SLC15A2: variants seen among roughly 807,000 people sequenced by gnomAD.
SLC15A2 encodes the protein solute carrier family 15 member 2, also known as kidney H(+)/peptide cotransporter.
A neutral mutation model predicts 95.5 loss-of-function variants in SLC15A2; 77 were observed. That is an observed-to-expected ratio of 0.81 (90% CI 0.67 to 0.97). SLC15A2 has a LOEUF of 0.97. Among genes scored for constraint, SLC15A2 ranks in the 50% least tolerant of loss-of-function variants. The pLI is 0.00. For missense variants in SLC15A2, 893 were observed against 874.4 expected (o/e 1.02, Z -0.27); for synonymous variants, 306 against 306.9 (o/e 1.00, Z 0.03).
At chr3:121,928,601 G>T in intron 15 of SLC15A2, 46 bp downstream of exon 15, 3 of 1,573,464 alleles carry the variant, frequency 1.9e-6, no homozygotes, top group South Asian at 1.2e-5. Context: ...ATGCTATATT[G>T]ATCTTGATTT....
chr3:121,943,351 C>G lies in SLC15A2; in HGVS notation c.*2344C>G, dbSNP rs1388354031. 1.3e-5 allele frequency: 2 copies of G among 152,028 alleles called. No individual in the cohort carries two copies. Among genetic ancestry groups the G allele is most frequent in the African/African-American group, 2.4e-5 (1 of 41,410 alleles). The allele number at this position is 152,028 out of a possible 1,614,324, so 9.4% of individuals were successfully genotyped here. ...TGGGGAGAACTTTCATGGCTCTTCC[C>G]TAATCATCAAGTATTCAAGGTAAAG... On this transcript the variant is annotated 3_prime_UTR_variant, in exon 22 of 22. Transcript: ENST00000489711.
chr3:121,934,107 G>A (rs1710288663), intron 19 of SLC15A2, among the ~76,000 whole-genome samples: 1 of 152,070 alleles, frequency 6.6e-6, no homozygotes, highest in African/African-American at 2.4e-5. Flanking sequence ...GCTCTGTTCT[G>A]TTCCATTGAT....
chr3:121,915,396 A>G (rs761559880), intron 6 of SLC15A2, 79 bp downstream of exon 6: 1 of 963,022 alleles, frequency 1.0e-6, no homozygotes, highest in Non-Finnish European at 1.7e-6. Context: ...TCTCCTGTCT[A>G]TCATCTCCTT....
intron 17 of SLC15A2, among the ~76,000 whole-genome samples, chr3:121,930,468 T>G (rs986313144): frequency 3.9e-5 from 6 of 152,228 alleles, no homozygotes; most frequent in African/African-American, 1.4e-4. Flanking sequence ...TTTTTCTTAG[T>G]AAAGTCTCAG....
At chr3:121,920,386 C>A (rs1254085119) in intron 7 of SLC15A2, among the ~76,000 whole-genome samples, 3 of 152,188 alleles carry the variant, frequency 2.0e-5, no homozygotes, top group Non-Finnish European at 4.4e-5. Context: ...ACCTCCGCCT[C>A]TGAGGTTCAA....
intron 7 of SLC15A2, among the ~76,000 whole-genome samples, chr3:121,918,578 G>C (rs1439418301): frequency 4.6e-5 from 7 of 151,952 alleles, no homozygotes; most frequent in African/African-American, 1.7e-4. Flanking sequence ...AAAAAAGTGG[G>C]GTGGGGGGAT....
chr3:121,921,080 C>T (rs1441243317), intron 7 of SLC15A2, among the ~76,000 whole-genome samples: 2 of 152,142 alleles, frequency 1.3e-5, no homozygotes, highest in Non-Finnish European at 2.9e-5. Context: ...AAATGAAATT[C>T]CCTTACAATT....
rs559431203 is a variant in SLC15A2, at chr3:121,905,182, A to C, written c.336-6392A>C. ...CTGATGGTAGTTTGTATTACTGTGG[A>C]ATCGGTGGTGATATCCCCTTTATCA... is the stretch of plus-strand genomic sequence containing the variant. On this transcript the variant is annotated intron_variant, in intron 3 of 21. Transcript: ENST00000489711. Among the ~76,000 whole-genome samples the C allele has an allele frequency of 1.1e-4, 16 of 152,112 alleles. No homozygotes were observed. In the South Asian group the frequency reaches 3.3e-3, roughly 32 times the overall value.
chr3:121,941,425 G>GT lies in SLC15A2; in HGVS notation c.*429dup, dbSNP rs370093110. The GT allele has an allele frequency of 5.2e-3, 773 of 148,524 alleles. No homozygotes were observed. The highest frequency in any genetic ancestry group is 7.0e-3 in the Non-Finnish European group (474 of 67,376). 9.2% of individuals were successfully genotyped at this position (148,524 alleles called of 1,614,324 possible). Reference sequence around the variant, plus strand: ...GAATAACAAAGAAATGGTATTTCAAGTTTTTTTTTTTATAAGCAATGTAAT... The same window carrying GT: ...GAATAACAAAGAAATGGTATTTCAAGTTTTTTTTTTTTATAAGCAATGTAAT... On this transcript the variant is annotated 3_prime_UTR_variant, in exon 22 of 22. Transcript: ENST00000489711.
At chr3:121,897,174 T>G (rs886878986) in intron 2 of SLC15A2, among the ~76,000 whole-genome samples, 2 of 151,788 alleles carry the variant, frequency 1.3e-5, no homozygotes, top group Non-Finnish European at 2.9e-5. Flanking sequence ...AGTATTATAT[T>G]TGTACATTCA....
intron 3 of SLC15A2, among the ~76,000 whole-genome samples, chr3:121,904,144 C>G (rs1483643003): frequency 6.6e-6 from 1 of 152,114 alleles, no homozygotes; most frequent in African/African-American, 2.4e-5. Context: ...TGATTTGGCT[C>G]TCTGTTTGTC....
At chr3:121,920,831 G>C (rs1475065050) in intron 7 of SLC15A2, among the ~76,000 whole-genome samples, 2 of 152,204 alleles carry the variant, frequency 1.3e-5, no homozygotes, top group Admixed American at 1.3e-4. Flanking sequence ...ATTCTGATGT[G>C]TAAGGATACT....
intron 8 of SLC15A2, 145 bp downstream of exon 8, chr3:121,922,447 A>T: frequency 1.5e-6 from 1 of 646,912 alleles, no homozygotes; most frequent in Non-Finnish European, 2.6e-6. Flanking sequence ...AAGATTAACC[A>T]GTCTTCTTCT....
chr3:121,911,788 A>G (rs992074671), intron 4 of SLC15A2, 122 bp downstream of exon 4: 6 of 698,464 alleles, frequency 8.6e-6, no homozygotes, highest in Non-Finnish European at 1.5e-5. Flanking sequence ...AAAACTGGTT[A>G]AGAAAAACAG....
Position 121,940,391 on chromosome 3 carries a change from C to T in SLC15A2, c.1916C>T (p.Ser639Phe). Residue 639 changes from serine to phenylalanine, a missense_variant, in exon 21 of 22, where the codon TCT (serine) becomes TTT (phenylalanine). Transcript: ENST00000489711. The part of the protein sequence containing the change: ...GLEFSYSQAP[S>F]SMKSVLQAAW... ...AACTTGTGTCATCCCCAGGCTCCCTCTAGCATGAAATCTGTGCTCCAGGCA... is the reference window on the plus strand; with the variant it reads ...AACTTGTGTCATCCCCAGGCTCCCTTTAGCATGAAATCTGTGCTCCAGGCA... The T allele has an allele frequency of 6.2e-7, 1 of 1,613,742 alleles. No homozygotes were observed. The highest frequency in any genetic ancestry group is 8.5e-7 in the Non-Finnish European group (1 of 1,179,710).
chr3:121,913,867 A>G (rs1709822815), intron 5 of SLC15A2, among the ~76,000 whole-genome samples: 1 of 150,524 alleles, frequency 6.6e-6, no homozygotes, highest in Non-Finnish European at 1.5e-5. Context: ...TCATGTATCC[A>G]TTCTCTCTTC....
intron 17 of SLC15A2, among the ~76,000 whole-genome samples, 194 bp from the exon 18 acceptor site, chr3:121,930,646 A>T (rs1297648864): frequency 6.6e-6 from 1 of 152,186 alleles, no homozygotes; most frequent in Non-Finnish European, 1.5e-5. Context: ...GACAGCTAAG[A>T]CTATGGATTA....
At position 121,904,011 on chromosome 3, in the gene SLC15A2, C is replaced by T. The variant is rs1370953893; in HGVS notation, c.335+6482C>T. On this transcript the variant is annotated intron_variant, in intron 3 of 21. Transcript: ENST00000489711. ...GGAATGTTCTTCCATTTGTTTGTATCCTCTTTTATTTCATTGAGCAATGGT... is the reference window on the plus strand; with the variant it reads ...GGAATGTTCTTCCATTTGTTTGTATTCTCTTTTATTTCATTGAGCAATGGT... 1.1e-4 allele frequency among the ~76,000 whole-genome samples: 16 copies of T among 152,246 alleles called. No individual in the cohort carries two copies. In the East Asian group the frequency reaches 1.7e-3, roughly 17 times the overall value.
chr3:121,894,914 T>A (rs531860283), intron 1 of SLC15A2, among the ~76,000 whole-genome samples: 1 of 152,210 alleles, frequency 6.6e-6, no homozygotes, highest in African/African-American at 2.4e-5. Flanking sequence ...GTGATTGTTC[T>A]TTCTTTACCA....
Sources: allele counts gnomAD v4.1 joint callset (sites outside exome capture counted in the v4.1 genomes callset), GRCh38; gene constraint gnomAD v4.1.1; transcripts MANE v1.5; gene names NCBI Gene and HGNC (gene_info 2026-07-23, HGNC 2026-07-21).